BLOC1S3: variants seen among roughly 807,000 people sequenced by gnomAD.
BLOC1S3 encodes biogenesis of lysosomal organelles complex 1 subunit 3.
BLOC1S3 carries 7 observed loss-of-function variants against 9.1 expected under a neutral mutation model. The ratio of observed to expected loss-of-function variants is 0.77; its 90% CI spans 0.44 to 1.45. The LOEUF is 1.45. BLOC1S3 is among the 40% of genes most tolerant of loss of function. BLOC1S3 has a pLI of 0.01. For missense variants in BLOC1S3, 307 were observed against 315.2 expected, an observed-to-expected ratio of 0.97 and a Z score of 0.20; for synonymous variants, 145 against 158.4, an observed-to-expected ratio of 0.92 and a Z score of 0.64.
chr19:45,209,248 C>A (rs1025967551), intron 3 of BLOC1S3, among the ~76,000 whole-genome samples: 1 of 151,608 alleles, frequency 6.6e-6, no homozygotes, highest in Non-Finnish European at 1.5e-5. Context: ...GGGGTTTCAC[C>A]ATGTTGGCCA....
chr19:45,213,082 CGAGGTCGCGCTAGAGACG>C (rs1568478188), intron 3 of BLOC1S3: 1 of 1,503,634 alleles, frequency 6.7e-7, no homozygotes, highest in Non-Finnish European at 8.8e-7. Context: ...GCGCTGGGCC[CGAGGTCGCGCTAGAGACG>C]GAGGCCGGGG....
Position 45,194,663 on chromosome 19 carries a change from A to G in BLOC1S3, n.180+6923A>G, listed in dbSNP as rs1172114512. Among the ~76,000 whole-genome samples the G allele has an allele frequency of 2.0e-5, 3 of 152,118 alleles. No homozygotes were observed. The East Asian group carries it at 5.8e-4, about 29-fold the overall frequency. On this transcript the variant is annotated intron_variant and non_coding_transcript_variant, in intron 2 of 3. Transcript: ENST00000591569. ...ACACGAATGACCTTCTGCTGTACACAACATGAATGTATCTCACAAGCATAA... is the reference window on the plus strand; with the variant it reads ...ACACGAATGACCTTCTGCTGTACACGACATGAATGTATCTCACAAGCATAA...
At chr19:45,184,908 A>C (rs1272518942), downstream of BLOC1S3, among the ~76,000 whole-genome samples, 14 of 143,824 alleles carry the variant, frequency 9.7e-5, no homozygotes, top group Admixed American at 2.7e-4. Context: ...TCAAACAAAA[A>C]AAAAAAAAAA....
intron 3 of BLOC1S3, chr19:45,213,428 C>T (rs1969800747): frequency 7.1e-6 from 11 of 1,555,030 alleles, no homozygotes; most frequent in Non-Finnish European, 9.5e-6. Flanking sequence ...CAGCCGTGGA[C>T]CCCACCTGAC....
At chr19:45,211,061 T>A (rs1452780657) in intron 3 of BLOC1S3, among the ~76,000 whole-genome samples, 1 of 152,150 alleles carries the variant, frequency 6.6e-6, no homozygotes, top group South Asian at 2.1e-4. Flanking sequence ...CAGTGAGCTA[T>A]GATCGTGTCA....
intron 3 of BLOC1S3, among the ~76,000 whole-genome samples, chr19:45,205,571 C>G (rs1969720361): frequency 6.6e-6 from 1 of 152,156 alleles, no homozygotes; most frequent in South Asian, 2.1e-4. Context: ...AGGAGAAAAT[C>G]TTTGTGACCC....
chr19:45,213,419 A>AC, intron 3 of BLOC1S3: 1 of 1,583,866 alleles, frequency 6.3e-7, no homozygotes, highest in Admixed American at 1.9e-5. Context: ...CACCCAACCC[A>AC]GCCGTGGACC....
Position 45,180,031 on chromosome 19 carries a change from G to A in BLOC1S3, c.*126G>A, listed in dbSNP as rs981398043. 3 of 1,073,356 alleles carry A rather than the reference G, an allele frequency of 2.8e-6. No individual in the cohort carries two copies. The highest frequency in any genetic ancestry group is 3.3e-5 in the African/African-American group (2 of 60,408). 66.5% of individuals were successfully genotyped at this position (1,073,356 alleles called of 1,614,324 possible). On this transcript the variant is annotated 3_prime_UTR_variant, in exon 2 of 2. Transcript: ENST00000433642. ...GCTCCCATCTTGGTGTCACCCATGG[G>A]GGCTAATCCGGTCCCCTTGGATAAT...
intron 2 of BLOC1S3, chr19:45,198,876 T>G (rs1969669120): frequency 6.6e-6 from 1 of 151,884 alleles, no homozygotes; most frequent in Admixed American, 6.6e-5. Flanking sequence ...GCTAATTTTT[T>G]TTGTATTTTT....
Position 45,179,888 on chromosome 19 carries a change from C to T in BLOC1S3, c.592C>T (p.Pro198Ser). 2 of 1,608,546 alleles carry T rather than the reference C, an allele frequency of 1.2e-6. No homozygotes were observed. The highest frequency in any genetic ancestry group is 1.7e-6 in the Non-Finnish European group (2 of 1,177,962). The change falls in exon 2 of 2, where the codon CCG (proline) becomes TCG (serine). Residue 198 changes from proline (P) to serine (S), a missense_variant. Pro to Ser is a moderately conservative substitution (Grantham distance 74). Coordinates refer to ENST00000433642, the MANE Select transcript of BLOC1S3 (RefSeq NM_212550.5). This position sits in a 1 kb window ranked among gnomAD's most constrained non-coding sequence, Gnocchi z 4.6. Reference sequence around the variant, plus strand: ...GCCAGGGACCGAGCCTGAGAAAGACCCGGGGCCGCGGGCCTAGCCATGATT... The same window carrying T: ...GCCAGGGACCGAGCCTGAGAAAGACTCGGGGCCGCGGGCCTAGCCATGATT... ...GVPGTEPEKD[P>S]GPRA
intron 3 of BLOC1S3, chr19:45,216,022 A>C: frequency 6.2e-7 from 1 of 1,604,580 alleles, no homozygotes; most frequent in Non-Finnish European, 8.5e-7. Context: ...CAAGGCCGCC[A>C]GGAGACCTCG....
intron 2 of BLOC1S3, among the ~76,000 whole-genome samples, chr19:45,188,047 G>C (rs1433448807): frequency 6.7e-6 from 1 of 150,264 alleles, no homozygotes; most frequent in Non-Finnish European, 1.5e-5. Flanking sequence ...TTTTGAGAGA[G>C]AGCCTCACTC....
At chr19:45,193,131 T>TC (rs1969619194) in intron 2 of BLOC1S3, among the ~76,000 whole-genome samples, 1 of 36,230 alleles carries the variant, frequency 2.8e-5, no homozygotes, top group Non-Finnish European at 4.5e-5. Context: ...AAACTCCGTC[T>TC]CAAAAAAAAA....
chr19:45,195,172 G>A (rs562292926), intron 2 of BLOC1S3, among the ~76,000 whole-genome samples: 46 of 152,120 alleles, frequency 3.0e-4, no homozygotes, highest in Non-Finnish European at 5.9e-4. Context: ...GCCTCCCAAA[G>A]TGCTGGGATT....
intron 2 of BLOC1S3, among the ~76,000 whole-genome samples, chr19:45,195,023 C>T (rs1599752778): frequency 6.6e-6 from 1 of 151,452 alleles, no homozygotes; most frequent in Admixed American, 6.6e-5. Context: ...TCTCCGCCTC[C>T]CAGTTCAAGC....
Position 45,179,267 on chromosome 19 carries a change from C to T in BLOC1S3, c.-9-21C>T, listed in dbSNP as rs1165078072. On this transcript the variant is annotated intron_variant, in intron 1 of 1. Transcript: ENST00000433642. This position sits in a 1 kb window ranked among gnomAD's most constrained non-coding sequence, Gnocchi z 4.6. ...CCGCGGCGCCGGTCTCACGTGCAGT[C>T]CCTTCGCTCTTCTCCCCTAGTTCGG... is the stretch of plus-strand genomic sequence containing the variant. 3.9e-6 allele frequency: 6 copies of T among 1,545,708 alleles called. No homozygotes were observed. The highest frequency in any genetic ancestry group is 5.2e-6 in the Non-Finnish European group (6 of 1,154,538).
At position 45,179,215 on chromosome 19, in the gene BLOC1S3, G is replaced by A. The variant is rs1271703009; in HGVS notation, c.-9-73G>A. The A allele has an allele frequency of 2.2e-5, 31 of 1,400,986 alleles. No individual in the cohort carries two copies. Among genetic ancestry groups the A allele is most frequent in the Non-Finnish European group, 2.8e-5 (30 of 1,078,138 alleles). 86.8% of individuals were successfully genotyped at this position (1,400,986 alleles called of 1,614,324 possible). Reference sequence around the variant, plus strand: ...TTAAGAGAATCAGCGAAGGGGCTGGGAATCCAGGACCTGCGCCTTTTACCC... The same window carrying A: ...TTAAGAGAATCAGCGAAGGGGCTGGAAATCCAGGACCTGCGCCTTTTACCC... On this transcript the variant is annotated intron_variant, in intron 1 of 1. Transcript: ENST00000433642. This position sits in a 1 kb window ranked among gnomAD's most constrained non-coding sequence, Gnocchi z 4.6.
At chr19:45,206,180 T>G (rs1969723908) in intron 3 of BLOC1S3, among the ~76,000 whole-genome samples, 1 of 151,902 alleles carries the variant, frequency 6.6e-6, no homozygotes, top group South Asian at 2.1e-4. Context: ...AAACCCCGTA[T>G]CTAGTAAAAA....
intron 2 of BLOC1S3, among the ~76,000 whole-genome samples, chr19:45,191,812 G>T (rs1164833354): frequency 1.3e-5 from 2 of 152,204 alleles, no homozygotes; most frequent in African/African-American, 4.8e-5. Flanking sequence ...GCCTGGAGCT[G>T]GGGGAAGGGT....
Sources: gnomAD v4.1 joint callset for allele counts (sites outside exome capture counted in the v4.1 genomes callset) on GRCh38, gnomAD v4.1.1 for gene constraint, Gnocchi (gnomAD v3.1) non-coding constraint, MANE v1.5 for transcripts, NCBI Gene and HGNC (gene_info 2026-07-23, HGNC 2026-07-21) for gene names.